The following SIPA1L1 variants were observed in gnomAD, a reference collection of about 807,000 sequenced individuals.
SIPA1L1 encodes the protein signal induced proliferation associated 1 like 1, also known as signal-induced proliferation-associated 1-like protein 1.
In SIPA1L1, 26 loss-of-function variants were observed where a neutral mutation model predicts 162.7. That is an observed-to-expected ratio of 0.16 (90% confidence interval 0.12 to 0.22). The LOEUF (loss-of-function observed/expected upper bound fraction) is 0.22, where lower values mean the gene tolerates loss of function less well. SIPA1L1 is among the 10% of genes least tolerant of loss of function. SIPA1L1 has a pLI of 1.00. For missense variants in SIPA1L1, 1,874 were observed against 2,241.0 expected (o/e 0.84, Z 3.31); for synonymous variants, 829 against 837.4 (o/e 0.99, Z 0.17).
At chr14:71,486,019 G>C (rs2048728570) in intron 2 of SIPA1L1, among the ~76,000 whole-genome samples, 1 of 152,148 alleles carries the variant, frequency 6.6e-6, no homozygotes, top group Admixed American at 6.5e-5. Flanking sequence ...GATGTTTCAA[G>C]AACTGGGTGT....
At chr14:71,543,141 C>T (rs2054630172) in intron 4 of SIPA1L1, among the ~76,000 whole-genome samples, 1 of 152,170 alleles carries the variant, frequency 6.6e-6, no homozygotes, top group Admixed American at 6.5e-5. Flanking sequence ...AGATCTTTTC[C>T]ATTCTCTCTC....
intron 12 of SIPA1L1, among the ~76,000 whole-genome samples, chr14:71,674,231 C>T (rs1051951032): frequency 3.3e-5 from 5 of 152,120 alleles, no homozygotes; most frequent in African/African-American, 1.2e-4. Flanking sequence ...TCCCTTGTAT[C>T]TAGGCTCCCA....
intron 2 of SIPA1L1, among the ~76,000 whole-genome samples, chr14:71,494,888 C>T (rs2049608072): frequency 6.6e-6 from 1 of 152,134 alleles, no homozygotes; most frequent in South Asian, 2.1e-4. Context: ...ATCCACCTGC[C>T]TTGGCCTTCC....
chr14:71,370,207 G>A (rs1052093649), intron 2 of SIPA1L1, among the ~76,000 whole-genome samples: 39 of 149,572 alleles, frequency 2.6e-4, no homozygotes, highest in African/African-American at 8.4e-4. Context: ...ATGTTGAATA[G>A]GAGTGGTGAG....
intron 2 of SIPA1L1, among the ~76,000 whole-genome samples, chr14:71,460,257 T>G (rs2046494564): frequency 6.6e-6 from 1 of 152,186 alleles, no homozygotes; most frequent in Non-Finnish European, 1.5e-5. Context: ...CCCTTTGCAT[T>G]CAGCAAGCAT....
chr14:71,461,814 CT>C (rs1416707877), intron 2 of SIPA1L1, among the ~76,000 whole-genome samples: 1 of 152,216 alleles, frequency 6.6e-6, no homozygotes, highest in African/African-American at 2.4e-5. Flanking sequence ...CAGCTGTCCA[CT>C]TTTGGGTGGT....
chr14:71,336,180 C>T (rs1228905011), intron 2 of SIPA1L1, among the ~76,000 whole-genome samples: 1 of 152,080 alleles, frequency 6.6e-6, no homozygotes, highest in Non-Finnish European at 1.5e-5. Context: ...TTATGTACTC[C>T]TAAAGTTTTT....
At chr14:71,354,301 A>T (rs1213613355) in intron 2 of SIPA1L1, among the ~76,000 whole-genome samples, 2 of 142,120 alleles carry the variant, frequency 1.4e-5, no homozygotes, top group African/African-American at 2.6e-5. Flanking sequence ...TTTTTTTGAG[A>T]TGGAGTCACG....
At chr14:71,542,508 C>A (rs887912269) in intron 4 of SIPA1L1, among the ~76,000 whole-genome samples, 3 of 148,414 alleles carry the variant, frequency 2.0e-5, no homozygotes, top group Admixed American at 6.7e-5. Flanking sequence ...TCCTCGTCGT[C>A]CTTCCTCTTC....
intron 15 of SIPA1L1, 90 bp downstream of exon 15, chr14:71,702,595 A>C: frequency 8.8e-7 from 1 of 1,137,982 alleles, no homozygotes; most frequent in Non-Finnish European, 1.3e-6. Flanking sequence ...TTGTTATAAA[A>C]GGTAGCCCTA....
At chr14:71,642,409 A>G (rs1319656353) in intron 7 of SIPA1L1, among the ~76,000 whole-genome samples, 2 of 152,124 alleles carry the variant, frequency 1.3e-5, no homozygotes, top group Non-Finnish European at 2.9e-5. Flanking sequence ...AATAGTTTCA[A>G]CTCCTACAAA....
At chr14:71,549,283 T>C (rs1301727411) in intron 4 of SIPA1L1, among the ~76,000 whole-genome samples, 1 of 152,062 alleles carries the variant, frequency 6.6e-6, no homozygotes, top group Non-Finnish European at 1.5e-5. Context: ...ACCTTTTCAT[T>C]CACCTCATCA....
At chr14:71,365,570 A>G (rs1043362213) in intron 2 of SIPA1L1, among the ~76,000 whole-genome samples, 11 of 152,136 alleles carry the variant, frequency 7.2e-5, no homozygotes, top group African/African-American at 2.7e-4. Context: ...AGTGGAGCAT[A>G]CAAGTTTAGT....
chr14:71,609,006 G>A (rs750299544), intron 5 of SIPA1L1, among the ~76,000 whole-genome samples: 10 of 152,092 alleles, frequency 6.6e-5, no homozygotes, highest in Non-Finnish European at 1.5e-4. Context: ...GAATGCTATT[G>A]ATTTTATTTC....
intron 2 of SIPA1L1, among the ~76,000 whole-genome samples, chr14:71,425,823 T>C (rs1256269229): frequency 6.7e-6 from 1 of 148,742 alleles, no homozygotes; most frequent in Non-Finnish European, 1.5e-5. Context: ...TATTGTAGAA[T>C]GGTCTATTTC....
At position 71,706,983 on chromosome 14, in the gene SIPA1L1, T is replaced by C. The variant is rs187290809; in HGVS notation, c.3765+1643T>C. 2.4e-4 allele frequency among the ~76,000 whole-genome samples: 36 copies of C among 148,236 alleles called. No individual in the cohort carries two copies. The East Asian group carries it at 6.2e-3, about 25-fold the overall frequency. On this transcript the variant is annotated intron_variant, in intron 16 of 23. Coordinates refer to ENST00000381232, the MANE Select transcript of SIPA1L1 (RefSeq NM_001386936.1). ...CCGGGAGGCAGAGGTTGCAGTGAGC[T>C]GAGATCATGCCACTGCACGCCAGCC...
At chr14:71,517,531 G>A (rs961450727) in intron 3 of SIPA1L1, among the ~76,000 whole-genome samples, 1 of 152,120 alleles carries the variant, frequency 6.6e-6, no homozygotes, top group African/African-American at 2.4e-5. Context: ...GTCTCTCAGT[G>A]AACATAAATT....
intron 2 of SIPA1L1, among the ~76,000 whole-genome samples, chr14:71,455,844 G>C (rs1342713137): frequency 6.6e-6 from 1 of 152,094 alleles, no homozygotes; most frequent in Non-Finnish European, 1.5e-5. Flanking sequence ...AAGTATTTAT[G>C]ATGCCTTTCC....
intron 12 of SIPA1L1, among the ~76,000 whole-genome samples, chr14:71,674,399 C>A (rs1255957129): frequency 6.6e-6 from 1 of 152,078 alleles, no homozygotes; most frequent in African/African-American, 2.4e-5. Flanking sequence ...GAATACTAGA[C>A]TAGATATATT....
Sources: allele counts gnomAD v4.1 joint callset (sites outside exome capture counted in the v4.1 genomes callset), GRCh38; gene constraint gnomAD v4.1.1; transcripts MANE v1.5; gene names NCBI Gene and HGNC (gene_info 2026-07-23, HGNC 2026-07-21).